HELLS: variants seen among roughly 807,000 people sequenced by gnomAD.
HELLS encodes helicase, lymphoid specific.
Under a neutral mutation model 120.0 loss-of-function variants are expected in HELLS, and 32 were observed. That is an observed-to-expected ratio of 0.27 (90% CI 0.20 to 0.36). The LOEUF (loss-of-function observed/expected upper bound fraction) is 0.36, where lower values mean the gene tolerates loss of function less well. HELLS is among the 10% of genes least tolerant of loss of function. The pLI, the probability that HELLS is intolerant of heterozygous loss-of-function variation, is 1.00. For synonymous variants in HELLS, 341 were observed against 323.4 expected (o/e 1.05, Z -0.58); for missense variants, 650 against 993.4 (o/e 0.65, Z 4.65).
At chr10:94,607,447 A>G (rs61886183) in intron 8 of HELLS, among the ~76,000 whole-genome samples, 25 of 152,158 alleles carry the variant, frequency 1.6e-4, no homozygotes, top group Non-Finnish European at 3.2e-4. Context: ...GAATAGATGG[A>G]CTCATTTCAT....
intron 19 of HELLS, among the ~76,000 whole-genome samples, chr10:94,595,390 A>G (rs1000900754): frequency 2.0e-5 from 3 of 152,210 alleles, no homozygotes; most frequent in Non-Finnish European, 4.4e-5. Context: ...GGGGTCAAGG[A>G]TAACTACATG....
intron 10 of HELLS, 23 bp from the exon 11 acceptor site, chr10:94,581,303 T>C (rs1844855464): frequency 1.4e-6 from 2 of 1,436,314 alleles, no homozygotes; most frequent in African/African-American, 1.4e-5. Context: ...TTTAAAAATC[T>C]TTTTCCTCAA....
chr10:94,556,482 A>G (rs959335481), intron 3 of HELLS, among the ~76,000 whole-genome samples: 1 of 152,180 alleles, frequency 6.6e-6, no homozygotes, highest in African/African-American at 2.4e-5. Context: ...TAAACTGCAC[A>G]TATTTAAAAT....
chr10:94,586,688 T>TTAG (rs897193300), intron 12 of HELLS, among the ~76,000 whole-genome samples: 18 of 151,670 alleles, frequency 1.2e-4, no homozygotes, highest in South Asian at 4.2e-4. Context: ...TTTATTATTA[T>TTAG]TAGTAGTAGT....
At chr10:94,550,559 C>A (rs377040891) in intron 2 of HELLS, among the ~76,000 whole-genome samples, 15 of 152,062 alleles carry the variant, frequency 9.9e-5, no homozygotes, top group Non-Finnish European at 1.8e-4. Flanking sequence ...GGATTACAGG[C>A]GTGAGCCACC....
intron 6 of HELLS, among the ~76,000 whole-genome samples, chr10:94,564,297 G>A (rs1343388513): frequency 1.3e-5 from 2 of 152,162 alleles, no homozygotes; most frequent in African/African-American, 4.8e-5. Flanking sequence ...AAAGGGTAGG[G>A]TAGTAAAGAC....
At chr10:94,589,398 T>C (rs1564611723) in intron 13 of HELLS, among the ~76,000 whole-genome samples, 1 of 152,338 alleles carries the variant, frequency 6.6e-6, no homozygotes, top group East Asian at 1.9e-4. Flanking sequence ...TTGGAGCATT[T>C]GTATTTTCCC....
chr10:94,593,665 ATT>A (rs11346357), intron 18 of HELLS, 50 bp downstream of exon 18: 54,375 of 836,852 alleles, frequency 0.065, no homozygotes, highest in East Asian at 0.11. Context: ...TCCATTTTGA[ATT>A]TTTTTTTTTT....
At chr10:94,553,028 T>C (rs1843060839) in intron 2 of HELLS, among the ~76,000 whole-genome samples, 1 of 152,172 alleles carries the variant, frequency 6.6e-6, no homozygotes, top group Admixed American at 6.5e-5. Flanking sequence ...TGAATTGTGT[T>C]GGTAGTATTT....
Position 94,580,138 on chromosome 10 carries a change from TATATATATATATATATATATATATAC to T in HELLS, c.1033-1186_1033-1161del, listed in dbSNP as rs1420605893. Among the ~76,000 whole-genome samples, 12 of 44,434 alleles carry T rather than the reference TATATATATATATATATATATATATAC, an allele frequency of 2.7e-4. 1 individual carries two copies. The highest frequency in any genetic ancestry group is 1.1e-3 in the African/African-American group (8 of 7,252). The allele number at this position is 44,434 out of a possible 152,430, so 29.2% of individuals were successfully genotyped here. On this transcript the variant is annotated intron_variant, in intron 10 of 21. Coordinates refer to ENST00000348459, the MANE Select transcript of HELLS (RefSeq NM_018063.5). ...AAAAGTATATATATATATATATATA[TATATATATATATATATATATATATAC>T]ACACACACACACACACACACATTTT...
chr10:94,554,650 T>G (rs980548860), intron 3 of HELLS, among the ~76,000 whole-genome samples: 11 of 141,108 alleles, frequency 7.8e-5, no homozygotes, highest in Admixed American at 2.9e-4. Flanking sequence ...TAGTGTTTTT[T>G]TTTTTGTTTT....
intron 2 of HELLS, among the ~76,000 whole-genome samples, chr10:94,550,644 C>T (rs1398701733): frequency 6.6e-6 from 1 of 152,040 alleles, no homozygotes; most frequent in Non-Finnish European, 1.5e-5. Context: ...AATCCCAGCA[C>T]TTTGGGAGGC....
chr10:94,574,825 AATTAT>A, intron 9 of HELLS, 89 bp downstream of exon 9: 2 of 950,688 alleles, frequency 2.1e-6, no homozygotes, highest in South Asian at 3.6e-5. Context: ...GAACTCTTAT[AATTAT>A]ATTGGTTTCT....
At chr10:94,572,326 A>C (rs1051340568) in intron 7 of HELLS, among the ~76,000 whole-genome samples, 24 of 152,214 alleles carry the variant, frequency 1.6e-4, no homozygotes, top group Admixed American at 1.3e-3. Context: ...CGACACTTGC[A>C]TACACTTGTG....
chr10:94,565,274 G>T (rs1843733598), intron 6 of HELLS, among the ~76,000 whole-genome samples: 1 of 152,308 alleles, frequency 6.6e-6, no homozygotes, highest in East Asian at 1.9e-4. Context: ...GGCAGAGGTT[G>T]CAGTGAGCTG....
In HELLS at chr10:94,574,676, C is replaced by T. The variant is rs1195006319; in HGVS notation, c.828C>T (p.Val276=). The T allele has an allele frequency of 4.3e-6, 7 of 1,613,698 alleles. No individual in the cohort carries two copies. Among genetic ancestry groups the T allele is most frequent in the Non-Finnish European group, 5.9e-6 (7 of 1,179,834 alleles). Residue 276 remains valine, a synonymous_variant, in exon 9 of 22, where the codon GTC becomes GTT. Transcript: ENST00000348459. The part of the protein sequence containing the change: ...IQRGVPGPFL[V]CGPLSTLPNW... Reference sequence around the variant, plus strand: ...GAGGAGTACCAGGACCTTTTCTTGTCTGTGGCCCTTTGTCTACACTTCCTA... The same window carrying T: ...GAGGAGTACCAGGACCTTTTCTTGTTTGTGGCCCTTTGTCTACACTTCCTA...
chr10:94,549,369 A>G (rs774639658), intron 2 of HELLS, among the ~76,000 whole-genome samples: 3 of 152,226 alleles, frequency 2.0e-5, no homozygotes, highest in Non-Finnish European at 4.4e-5. Context: ...AGGAAATCCT[A>G]AGGTTTGTGA....
chr10:94,568,432 T>G (rs1234709963), intron 6 of HELLS, among the ~76,000 whole-genome samples: 2 of 152,164 alleles, frequency 1.3e-5, no homozygotes, highest in Non-Finnish European at 2.9e-5. Context: ...TAAAACAATT[T>G]AGGAGGTTAT....
At chr10:94,561,861 TG>T (rs1843570238) in intron 4 of HELLS, among the ~76,000 whole-genome samples, 1 of 142,224 alleles carries the variant, frequency 7.0e-6, no homozygotes, top group African/African-American at 3.0e-5. Context: ...TTATATTTAA[TG>T]TATGAATTTC....
Sources: gnomAD v4.1 joint callset for allele counts (sites outside exome capture counted in the v4.1 genomes callset) on GRCh38, gnomAD v4.1.1 for gene constraint, MANE v1.5 for transcripts, NCBI Gene and HGNC (gene_info 2026-07-23, HGNC 2026-07-21) for gene names.